Variants in TNFRSF11B observed in about 807,000 individuals in gnomAD.
TNFRSF11B encodes the protein tumor necrosis factor receptor superfamily member 11B.
A neutral mutation model predicts 43.4 loss-of-function variants in TNFRSF11B; 16 were observed. The observed-to-expected ratio is 0.37, with a 90% CI of 0.25 to 0.56. The LOEUF is 0.56. Among genes scored for constraint, TNFRSF11B ranks in the 20% least tolerant of loss-of-function variants. The pLI, the probability that TNFRSF11B is intolerant of heterozygous loss-of-function variation, is 0.80. For synonymous variants in TNFRSF11B, 185 were observed against 181.8 expected (o/e 1.02, Z -0.14); for missense variants, 444 against 490.1 (o/e 0.91, Z 0.89).
intron 1 of TNFRSF11B, among the ~76,000 whole-genome samples, chr8:118,945,924 G>T (rs565044059): frequency 6.6e-6 from 1 of 152,152 alleles, no homozygotes; most frequent in East Asian, 1.9e-4. Context: ...GTCTGAATTG[G>T]AGTAGAAATC....
intron 1 of TNFRSF11B, among the ~76,000 whole-genome samples, chr8:118,941,665 T>G (rs1812487982): frequency 6.6e-6 from 1 of 152,134 alleles, no homozygotes; most frequent in South Asian, 2.1e-4. Flanking sequence ...TGTTTTTTGC[T>G]TCTTCAGGGG....
chr8:118,928,701 C>T (rs1402463194), intron 3 of TNFRSF11B, 37 bp downstream of exon 3: 1 of 1,608,866 alleles, frequency 6.2e-7, no homozygotes, highest in South Asian at 1.1e-5. Context: ...GATGATACTA[C>T]AAAATCGTAC....
chr8:118,924,404 C>G lies in TNFRSF11B; in HGVS notation c.1176G>C (p.Gln392His). 1 of 1,614,100 alleles carries G rather than the reference C, an allele frequency of 6.2e-7. No homozygotes were observed. Among genetic ancestry groups the G allele is most frequent in the Non-Finnish European group, 8.5e-7 (1 of 1,179,980 alleles). ...AGCAGCTTATTTTTACTGATTGGAC[C>G]TGGTTACCTATCATTTCTAAAAATA... Reference protein sequence around the residue: ...QKLFLEMIGNQVQSVKISCL With the variant: ...QKLFLEMIGNHVQSVKISCL The change falls in exon 5 of 5, where the codon CAG becomes CAC. Residue 392 changes from glutamine (Q) to histidine (H), a missense_variant. Physicochemically the swap from Gln to His is conservative, Grantham distance 24. Transcript: ENST00000297350.
chr8:118,929,090 C>T (rs564458591), intron 2 of TNFRSF11B, 161 bp from the exon 3 acceptor site: 21 of 673,372 alleles, frequency 3.1e-5, no homozygotes, highest in Admixed American at 2.6e-4. Context: ...TTAGACAGAA[C>T]AAAACTTCCA....
At chr8:118,925,570 G>C (rs573214697) in intron 4 of TNFRSF11B, among the ~76,000 whole-genome samples, 1 of 152,290 alleles carries the variant, frequency 6.6e-6, no homozygotes, top group East Asian at 1.9e-4. Flanking sequence ...AAAGCAATCA[G>C]CTCTCAAAGA....
intron 1 of TNFRSF11B, 114 bp from the exon 2 acceptor site, chr8:118,933,414 T>G (rs2043774170): frequency 6.6e-7 from 1 of 1,517,516 alleles, no homozygotes; most frequent in Admixed American, 1.7e-5. Context: ...CTAATGAGAT[T>G]TGCCACAAAG....
intron 1 of TNFRSF11B, among the ~76,000 whole-genome samples, chr8:118,934,542 G>A (rs1812376040): frequency 6.6e-6 from 1 of 152,156 alleles, no homozygotes; most frequent in Admixed American, 6.5e-5. Context: ...GGGCAAGGGT[G>A]CCACTTGGAA....
In TNFRSF11B at chr8:118,951,832, G is replaced by A; in HGVS notation, c.-11C>T. 6.3e-7 allele frequency: 1 copy of A among 1,585,996 alleles called. No homozygotes were observed. The highest frequency in any genetic ancestry group is 2.3e-5 in the East Asian group (1 of 43,202). On this transcript the variant is annotated 5_prime_UTR_variant, in exon 1 of 5. Transcript: ENST00000297350. ...CAGCAAGTTGTTCATTGTGGTCCCCGGAAACCTCAGGGGCTTGGAGGCGGC... is the reference window on the plus strand; with the variant it reads ...CAGCAAGTTGTTCATTGTGGTCCCCAGAAACCTCAGGGGCTTGGAGGCGGC...
intron 2 of TNFRSF11B, among the ~76,000 whole-genome samples, chr8:118,932,660 T>TC (rs1563690200): frequency 2.9e-5 from 3 of 104,034 alleles, no homozygotes; most frequent in African/African-American, 1.1e-4. Context: ...GTTTGTTTCT[T>TC]TAAAAAAAAA....
At chr8:118,927,983 T>C (rs1324157404) in intron 3 of TNFRSF11B, among the ~76,000 whole-genome samples, 1 of 151,660 alleles carries the variant, frequency 6.6e-6, no homozygotes, top group Non-Finnish European at 1.5e-5. Context: ...ACTAATACCA[T>C]AGGTAACAAA....
At chr8:118,931,800 T>C (rs890188078) in intron 2 of TNFRSF11B, among the ~76,000 whole-genome samples, 2 of 152,248 alleles carry the variant, frequency 1.3e-5, no homozygotes, top group African/African-American at 4.8e-5. Context: ...AATTTAGACT[T>C]TGTATATCAC....
chr8:118,928,894 G>A lies in TNFRSF11B; in HGVS notation c.436C>T (p.Pro146Ser). 1 of 1,614,128 alleles carries A rather than the reference G, an allele frequency of 6.2e-7. No individual in the cohort carries two copies. The highest frequency in any genetic ancestry group is 8.5e-7 in the Non-Finnish European group (1 of 1,180,026). ...PERNTVCKRCPDGFFSNETSS... is the reference protein window; with the variant it reads ...PERNTVCKRCSDGFFSNETSS... ...GTCTCATTTGAGAAGAACCCATCTG[G>A]ACATCTTTTGCAAACTGTATTTCGC... Residue 146 changes from proline to serine, a missense_variant, in exon 3 of 5, where the codon CCA (proline) becomes TCA (serine). By Grantham distance (74) the Pro-to-Ser change is moderately conservative. Coordinates refer to ENST00000297350, the MANE Select transcript of TNFRSF11B (RefSeq NM_002546.4).
At chr8:118,951,755 A>G (rs1436270406) in intron 1 of TNFRSF11B, 37 bp downstream of exon 1, 1 of 1,571,056 alleles carries the variant, frequency 6.4e-7, no homozygotes, top group Non-Finnish European at 8.6e-7. Context: ...CAGCCTCCCC[A>G]GGCGCCGGGC....
intron 1 of TNFRSF11B, among the ~76,000 whole-genome samples, chr8:118,944,678 G>A (rs1812533394): frequency 6.6e-6 from 1 of 152,062 alleles, no homozygotes; most frequent in African/African-American, 2.4e-5. Flanking sequence ...GGGTGCAGAG[G>A]TCTCTGTCTA....
intron 1 of TNFRSF11B, among the ~76,000 whole-genome samples, chr8:118,947,610 A>T (rs1812584840): frequency 6.6e-6 from 1 of 152,222 alleles, no homozygotes; most frequent in Non-Finnish European, 1.5e-5. Flanking sequence ...TAAGTAAAAA[A>T]ATCTATTATC....
At chr8:118,930,611 C>G in intron 2 of TNFRSF11B, 1 of 292,430 alleles carries the variant, frequency 3.4e-6, no homozygotes, top group Admixed American at 3.9e-5. Context: ...AGGGTTTCAT[C>G]ATGTTGGCCA....
At position 118,936,597 on chromosome 8, in the gene TNFRSF11B, T is replaced by C. The variant is rs1195715070; in HGVS notation, c.31-3297A>G. ...AGATCACCTTAACATTGGATACAGC[T>C]CCTTTGCCACTTGATAATATTCAAA... On this transcript the variant is annotated intron_variant, in intron 1 of 4. Coordinates refer to ENST00000297350, the MANE Select transcript of TNFRSF11B (RefSeq NM_002546.4). Among the ~76,000 whole-genome samples the C allele has an allele frequency of 2.0e-5, 3 of 152,112 alleles. No individual in the cohort carries two copies. The East Asian group carries it at 5.8e-4, about 29-fold the overall frequency.
intron 1 of TNFRSF11B, among the ~76,000 whole-genome samples, chr8:118,944,520 C>A (rs544829535): frequency 1.3e-5 from 2 of 152,264 alleles, no homozygotes; most frequent in South Asian, 4.1e-4. Flanking sequence ...GAACTGGGAA[C>A]AACTGGCAAA....
intron 2 of TNFRSF11B, among the ~76,000 whole-genome samples, chr8:118,932,236 C>T (rs1252899866): frequency 6.6e-6 from 1 of 152,172 alleles, no homozygotes; most frequent in African/African-American, 2.4e-5. Context: ...TTAAAAGATT[C>T]AATACACATG....
Sources: gnomAD v4.1 joint callset for allele counts (sites outside exome capture counted in the v4.1 genomes callset) on GRCh38, gnomAD v4.1.1 for gene constraint, MANE v1.5 for transcripts, NCBI Gene and HGNC (gene_info 2026-07-23, HGNC 2026-07-21) for gene names.